ACTR3: variants seen among roughly 807,000 people sequenced by gnomAD.
ACTR3 encodes the protein actin-related protein 3.
Under a neutral mutation model 56.8 loss-of-function variants are expected in ACTR3, and 12 were observed. The ratio of observed to expected loss-of-function variants is 0.21; its 90% CI spans 0.14 to 0.34. ACTR3 has a LOEUF of 0.34. Among genes scored for constraint, ACTR3 ranks in the 10% least tolerant of loss-of-function variants. The pLI is 1.00. For synonymous variants in ACTR3, 162 were observed against 167.4 expected (o/e 0.97, Z 0.25); for missense variants, 282 against 512.5 (o/e 0.55, Z 4.34).
intron 1 of ACTR3, among the ~76,000 whole-genome samples, chr2:113,908,423 C>T (rs1028534716): frequency 5.3e-5 from 8 of 151,436 alleles, no homozygotes; most frequent in Admixed American, 1.3e-4. Flanking sequence ...TTAATGGAGG[C>T]TAGTTTACAT....
At chr2:113,942,786 C>G (rs189038290) in intron 8 of ACTR3, among the ~76,000 whole-genome samples, 1 of 152,066 alleles carries the variant, frequency 6.6e-6, no homozygotes, top group African/African-American at 2.4e-5. Context: ...AAATATATAA[C>G]TAGTAGCAAA....
At chr2:113,945,278 C>T (rs888703424) in intron 8 of ACTR3, among the ~76,000 whole-genome samples, 1 of 152,194 alleles carries the variant, frequency 6.6e-6, no homozygotes, top group Non-Finnish European at 1.5e-5. Flanking sequence ...GCTCTTCACC[C>T]TCCTGCTGCC....
rs555011252 is a variant in ACTR3, at chr2:113,891,175, G to A, written c.44+852G>A. On this transcript the variant is annotated intron_variant, in intron 1 of 11. Transcript: ENST00000263238. ...AGAGACTGAATTACCGGTGCTTGGT[G>A]TCCATTTATATGACTTAAAAAAATG... Among the ~76,000 whole-genome samples the A allele has an allele frequency of 2.6e-5, 4 of 152,266 alleles. No homozygotes were observed. In the South Asian group the frequency reaches 8.3e-4, roughly 32 times the overall value.
chr2:113,957,331 T>A (rs776030836), intron 11 of ACTR3, 29 bp from the exon 12 acceptor site: 7 of 1,546,446 alleles, frequency 4.5e-6, no homozygotes, highest in Middle Eastern at 3.4e-4. Flanking sequence ...TTTTTGACCC[T>A]TATAAAAATA....
At chr2:113,906,993 G>C (rs185492866) in intron 1 of ACTR3, among the ~76,000 whole-genome samples, 1 of 152,216 alleles carries the variant, frequency 6.6e-6, no homozygotes, top group East Asian at 1.9e-4. Context: ...ATGTTATTAG[G>C]ATTTTGATGG....
intron 8 of ACTR3, among the ~76,000 whole-genome samples, chr2:113,946,035 A>G (rs571685663): frequency 2.0e-5 from 3 of 152,264 alleles, no homozygotes; most frequent in East Asian, 1.9e-4. Context: ...TTCTTTATCC[A>G]GTCTACCATT....
chr2:113,921,850 A>G (rs1679517524), intron 3 of ACTR3, among the ~76,000 whole-genome samples: 1 of 152,188 alleles, frequency 6.6e-6, no homozygotes, highest in African/African-American at 2.4e-5. Flanking sequence ...AGTGTCAGTT[A>G]CCTTAGACGG....
intron 3 of ACTR3, among the ~76,000 whole-genome samples, chr2:113,917,392 C>T (rs978821943): frequency 3.3e-5 from 5 of 152,078 alleles, no homozygotes; most frequent in African/African-American, 1.2e-4. Context: ...TGTTCTCTTT[C>T]TCCCTCTTTT....
At chr2:113,892,442 T>C (rs1678923259) in intron 1 of ACTR3, among the ~76,000 whole-genome samples, 1 of 152,248 alleles carries the variant, frequency 6.6e-6, no homozygotes, top group African/African-American at 2.4e-5. Context: ...TCTTTTACCA[T>C]TTGTCACAAT....
rs945130152 is a variant in ACTR3, at chr2:113,903,523, G to A, written c.45-9649G>A. On this transcript the variant is annotated intron_variant, in intron 1 of 11. Coordinates refer to ENST00000263238, the MANE Select transcript of ACTR3 (RefSeq NM_005721.5). ...TGGGATTACAGGCTTACACCACCAT[G>A]CTCTGCTAATTGTCTTTTTTTTTTT... 1.2e-3 allele frequency among the ~76,000 whole-genome samples: 175 copies of A among 149,796 alleles called. 1 individual carries two copies. Among genetic ancestry groups the A allele is most frequent in the African/African-American group, 4.2e-3 (167 of 40,016 alleles).
intron 8 of ACTR3, among the ~76,000 whole-genome samples, chr2:113,945,744 T>TA (rs768762382): frequency 1.3e-5 from 2 of 152,148 alleles, no homozygotes; most frequent in Non-Finnish European, 2.9e-5. Flanking sequence ...CCCCAGGTAT[T>TA]ATTAAGTCTA....
At chr2:113,893,949 C>G (rs543318298) in intron 1 of ACTR3, among the ~76,000 whole-genome samples, 1 of 152,020 alleles carries the variant, frequency 6.6e-6, no homozygotes, top group African/African-American at 2.4e-5. Flanking sequence ...CATCTTGTGG[C>G]CACAATTCAG....
rs562867809 is a variant in ACTR3, at chr2:113,959,593, G to A, written c.*2138G>A. ...GAAACAAAACTCCAGCCCTTCTTGT[G>A]TATGTTCTGATATCCCTTTGCTCTA... On this transcript the variant is annotated 3_prime_UTR_variant, in exon 12 of 12. Transcript: ENST00000263238. 11 of 152,176 alleles carry A rather than the reference G, an allele frequency of 7.2e-5. No individual in the cohort carries two copies. The highest frequency in any genetic ancestry group is 2.4e-4 in the African/African-American group (10 of 41,562). 9.4% of individuals were successfully genotyped at this position (152,176 alleles called of 1,614,324 possible). A position where few individuals can be genotyped will look rare whatever the true frequency, so the allele number is the denominator to read the frequency against.
At chr2:113,925,801 A>G (rs1273561137) in intron 3 of ACTR3, among the ~76,000 whole-genome samples, 2 of 152,234 alleles carry the variant, frequency 1.3e-5, no homozygotes, top group African/African-American at 4.8e-5. Flanking sequence ...AACTAGAGTA[A>G]GAAGTAGATG....
rs1341586632 is a variant in ACTR3 at position 113,931,302 on chromosome 2, C to A, written c.338C>A (p.Thr113Asn). Residue 113 changes from threonine to asparagine, a missense_variant and splice_region_variant, in exon 5 of 12, where the codon ACT becomes AAT. Coordinates refer to ENST00000263238, the MANE Select transcript of ACTR3 (RefSeq NM_005721.5). ...TTAAAATGTTATTTATTTCAATAGACTGAACCTCCATTGAATACTCCAGAA... is the reference window on the plus strand; with the variant it reads ...TTAAAATGTTATTTATTTCAATAGAATGAACCTCCATTGAATACTCCAGAA... The part of the protein sequence containing the change: ...AEPEDHYFLL[T>N]EPPLNTPENR... 2 of 1,531,958 alleles carry A rather than the reference C, an allele frequency of 1.3e-6. No homozygotes were observed. Among genetic ancestry groups the A allele is most frequent in the East Asian group, 2.3e-5 (1 of 42,726 alleles). The allele number at this position is 1,531,958 out of a possible 1,614,324, so 94.9% of individuals were successfully genotyped here.
chr2:113,952,517 T>TA (rs1454207355), intron 10 of ACTR3: 4 of 152,096 alleles, frequency 2.6e-5, no homozygotes, highest in Admixed American at 2.6e-4. Context: ...GTGAATAAAA[T>TA]ACCTTCTGCT....
chr2:113,910,333 T>A (rs1574357092), intron 1 of ACTR3, among the ~76,000 whole-genome samples: 3 of 152,332 alleles, frequency 2.0e-5, no homozygotes, highest in African/African-American at 7.2e-5. Context: ...GTGGAACGTC[T>A]ACGTCTCTTC....
chr2:113,902,942 T>G (rs147055154), intron 1 of ACTR3, among the ~76,000 whole-genome samples: 107 of 152,348 alleles, frequency 7.0e-4, no homozygotes, highest in African/African-American at 2.4e-3. Context: ...GTCATGAGTC[T>G]TACAATCAAG....
intron 11 of ACTR3, 60 bp from the exon 12 acceptor site, chr2:113,957,300 A>T (rs1054211996): frequency 1.6e-6 from 2 of 1,248,990 alleles, no homozygotes; most frequent in Non-Finnish European, 2.3e-6. Flanking sequence ...GTTTATTTCA[A>T]TATACCTTCA....
Sources: allele counts gnomAD v4.1 joint callset (sites outside exome capture counted in the v4.1 genomes callset), GRCh38; gene constraint gnomAD v4.1.1; transcripts MANE v1.5; gene names NCBI Gene and HGNC (gene_info 2026-07-23, HGNC 2026-07-21).